The following ALPK1 variants were observed in gnomAD, a reference collection of about 807,000 sequenced individuals.
The protein encoded by ALPK1 is alpha-protein kinase 1.
ALPK1 carries 110 observed loss-of-function variants against 120.6 expected under a neutral mutation model. The ratio of observed to expected loss-of-function variants is 0.91; its 90% CI spans 0.78 to 1.07. ALPK1 has a LOEUF of 1.07. Among genes scored for constraint, ALPK1 ranks in the 50% least tolerant of loss-of-function variants. The probability of loss-of-function intolerance (pLI) is 0.00; values close to 1 mark genes in which losing one functional copy is unlikely to be tolerated. For synonymous variants in ALPK1, 582 were observed against 560.3 expected, an observed-to-expected ratio of 1.04 and a Z score of -0.55; for missense variants, 1,498 against 1,483.9, an observed-to-expected ratio of 1.01 and a Z score of -0.16.
intron 1 of ALPK1, among the ~76,000 whole-genome samples, chr4:112,315,421 C>T (rs2110537643): frequency 6.6e-6 from 1 of 152,260 alleles, no homozygotes; most frequent in East Asian, 1.9e-4. Flanking sequence ...GATATGACCA[C>T]CACTGATAGT....
At chr4:112,367,362 G>A (rs1197347811) in intron 2 of ALPK1, among the ~76,000 whole-genome samples, 1 of 151,922 alleles carries the variant, frequency 6.6e-6, no homozygotes, top group Non-Finnish European at 1.5e-5. Flanking sequence ...GAGAATTTTA[G>A]TTTTCCTTTT....
chr4:112,424,045 C>T (rs1455272991), intron 6 of ALPK1, 42 bp downstream of exon 6: 7 of 1,564,302 alleles, frequency 4.5e-6, no homozygotes, highest in Non-Finnish European at 6.1e-6. Context: ...TACCTCAGCC[C>T]CGAACAGAGC....
chr4:112,382,268 A>T, intron 3 of ALPK1, 130 bp from the exon 4 acceptor site: 1 of 1,093,958 alleles, frequency 9.1e-7, no homozygotes, highest in Non-Finnish European at 1.3e-6. Flanking sequence ...AGCCAGCAAG[A>T]GGCAGGGAAA....
chr4:112,352,997 G>A (rs1433070361), intron 2 of ALPK1: 1 of 134,044 alleles, frequency 7.5e-6, no homozygotes, highest in African/African-American at 2.8e-5. Flanking sequence ...TTGAGATAGG[G>A]TCTCATTCTG....
intron 4 of ALPK1, among the ~76,000 whole-genome samples, chr4:112,400,954 G>A (rs1180626492): frequency 2.0e-5 from 3 of 152,200 alleles, no homozygotes; most frequent in Non-Finnish European, 2.9e-5. Flanking sequence ...GAGAGTGAGT[G>A]TTGGGGAAAG....
intron 2 of ALPK1, among the ~76,000 whole-genome samples, chr4:112,364,845 A>G (rs1731071879): frequency 6.6e-6 from 1 of 152,220 alleles, no homozygotes; most frequent in African/African-American, 2.4e-5. Flanking sequence ...GCATACCAAA[A>G]AGATAATCCA....
chr4:112,346,320 A>G (rs1243620878), intron 2 of ALPK1, among the ~76,000 whole-genome samples: 1 of 152,244 alleles, frequency 6.6e-6, no homozygotes, highest in Non-Finnish European at 1.5e-5. Context: ...GTCTCATATT[A>G]CAAATTAGTT....
rs534063252 is a variant in ALPK1 at position 112,354,778 on chromosome 4, A to C, written c.-100-22900A>C. 4.6e-4 allele frequency among the ~76,000 whole-genome samples: 70 copies of C among 152,214 alleles called. 1 individual carries two copies. The highest frequency in any genetic ancestry group is 1.7e-3 in the African/African-American group (70 of 41,544). ...TCACCATGCCTGGACTGTAAGATCA[A>C]TTTTTCTAAGTGACAATAATTTTTG... is the stretch of plus-strand genomic sequence containing the variant. On this transcript the variant is annotated intron_variant, in intron 2 of 15. Transcript: ENST00000650871.
chr4:112,425,289 G>GATCTCGGTGGTC, intron 6 of ALPK1: 1 of 182,270 alleles, frequency 5.5e-6, no homozygotes, highest in South Asian at 1.2e-4. Flanking sequence ...ACTCTGTGGA[G>GATCTCGGTGGTC]GCCTTTGAGG....
intron 4 of ALPK1, among the ~76,000 whole-genome samples, chr4:112,404,813 T>C (rs553327265): frequency 3.5e-4 from 53 of 152,372 alleles, no homozygotes; most frequent in Non-Finnish European, 5.9e-4. Flanking sequence ...TCAGTCAAGT[T>C]AGGAAATAAT....
At chr4:112,356,087 T>C in intron 2 of ALPK1, 1 of 1,095,084 alleles carries the variant, frequency 9.1e-7, no homozygotes, top group South Asian at 1.2e-5. Flanking sequence ...CAGACCCGAA[T>C]AGCCTGCCCC....
chr4:112,306,860 T>G (rs1299845710), intron 1 of ALPK1, among the ~76,000 whole-genome samples: 1 of 152,168 alleles, frequency 6.6e-6, no homozygotes, highest in African/African-American at 2.4e-5. Context: ...CAATTTAAGA[T>G]CTTTCCTGCT....
chr4:112,431,378 C>CCTG lies in ALPK1; in HGVS notation c.1832_1834dup (p.Pro611_Gly612insAla). 1 of 1,614,178 alleles carries CCTG rather than the reference C, an allele frequency of 6.2e-7. No individual in the cohort carries two copies. Among genetic ancestry groups the CCTG allele is most frequent in the Non-Finnish European group, 8.5e-7 (1 of 1,180,036 alleles). On this transcript the variant is annotated inframe_insertion, in exon 11 of 16. Transcript: ENST00000650871. ...TGACGACAGGTCAGCCAGAAAAGAG[C>CCTG]CTGGCAAAGAACATCTGGTGGACAC...
chr4:112,435,388 G>A, intron 12 of ALPK1, 87 bp downstream of exon 12: 1 of 1,332,996 alleles, frequency 7.5e-7, no homozygotes, highest in Non-Finnish European at 1.0e-6. Context: ...ACTTCGTAGG[G>A]GCTGAAAAAC....
At chr4:112,357,094 G>A (rs1337796868) in intron 2 of ALPK1, 3 of 1,103,598 alleles carry the variant, frequency 2.7e-6, no homozygotes, top group African/African-American at 1.5e-5. Context: ...AGATGATCCT[G>A]CTCTGCCTGG....
Position 112,411,941 on chromosome 4 carries a change from G to T in ALPK1, c.391G>T (p.Ala131Ser). ...LDVSGKLLQV[A>S]KGLHKLQPAT... The stretch of plus-strand genomic sequence containing the variant: ...CGTCTCTGGAAAACTTCTGCAGGTC[G>T]CCAAAGGTCTCCACAAGTTGCAGCC... Residue 131 changes from alanine to serine, a missense_variant, in exon 5 of 16, where the codon GCC (alanine) becomes TCC (serine). Transcript: ENST00000650871. 2.5e-6 allele frequency: 4 copies of T among 1,614,110 alleles called. No individual in the cohort carries two copies. The South Asian group carries it at 3.3e-5, about 13-fold the overall frequency.
intron 2 of ALPK1, among the ~76,000 whole-genome samples, chr4:112,371,920 G>A (rs1731427443): frequency 6.6e-6 from 1 of 152,192 alleles, no homozygotes; most frequent in Admixed American, 6.5e-5. Flanking sequence ...TGCTGAGTAT[G>A]TAATTTAAGA....
chr4:112,440,731 G>A (rs1734998226), intron 14 of ALPK1, among the ~76,000 whole-genome samples, 186 bp from the exon 15 acceptor site: 1 of 151,658 alleles, frequency 6.6e-6, no homozygotes. Flanking sequence ...ACTAATAACT[G>A]GAATATGCCA....
At position 112,322,901 on chromosome 4, in the gene ALPK1, C is replaced by G. The variant is rs74597502; in HGVS notation, c.-101+7049C>G. Among the ~76,000 whole-genome samples the G allele has an allele frequency of 1.1e-3, 173 of 152,350 alleles. 4 individuals carry two copies. The East Asian group carries it at 0.03, about 27-fold the overall frequency. The stretch of plus-strand genomic sequence containing the variant: ...AAAGAGTATTTGAGTAGCTGCTATA[C>G]AGCAATAAAGTACTTTGCCAATGTA... On this transcript the variant is annotated intron_variant, in intron 2 of 15. Transcript: ENST00000650871.
Sources: gnomAD v4.1 joint callset for allele counts (sites outside exome capture counted in the v4.1 genomes callset) on GRCh38, gnomAD v4.1.1 for gene constraint, MANE v1.5 for transcripts, NCBI Gene and HGNC (gene_info 2026-07-23, HGNC 2026-07-21) for gene names.